ARID1B: variants seen among roughly 807,000 people sequenced by gnomAD.
The protein encoded by ARID1B is AT-rich interactive domain-containing protein 1B.
In ARID1B, 30 loss-of-function variants were observed where a neutral mutation model predicts 212.3. The observed-to-expected ratio is 0.14, with a 90% CI of 0.11 to 0.19. The LOEUF is 0.19. ARID1B is among the 10% of genes least tolerant of loss of function. The probability of loss-of-function intolerance (pLI) is 1.00; values close to 1 mark genes in which losing one functional copy is unlikely to be tolerated. For synonymous variants in ARID1B, 1,402 were observed against 1,301.7 expected (o/e 1.08, Z -1.66); for missense variants, 2,891 against 3,204.0 (o/e 0.90, Z 2.36).
chr6:156,975,159 T>C (rs1777146851), intron 4 of ARID1B, among the ~76,000 whole-genome samples: 1 of 152,238 alleles, frequency 6.6e-6, no homozygotes, highest in African/African-American at 2.4e-5. Flanking sequence ...TCTCCACACC[T>C]CACCAGCACT....
At chr6:156,860,668 G>C (rs970454910) in intron 2 of ARID1B, among the ~76,000 whole-genome samples, 50 of 152,292 alleles carry the variant, frequency 3.3e-4, no homozygotes, top group African/African-American at 1.2e-3. Context: ...TCAGTCTTCA[G>C]TTGGCAAAAT....
intron 3 of ARID1B, among the ~76,000 whole-genome samples, chr6:156,914,929 C>T (rs2128231889): frequency 6.6e-6 from 1 of 152,142 alleles, no homozygotes; most frequent in South Asian, 2.1e-4. Context: ...TGTGGTTTCA[C>T]CTTAAGAAAA....
chr6:156,855,994 T>G (rs1338668789), intron 2 of ARID1B, among the ~76,000 whole-genome samples: 1 of 152,222 alleles, frequency 6.6e-6, no homozygotes, highest in Non-Finnish European at 1.5e-5. Context: ...TTTTCACGTA[T>G]TATAATTATA....
At chr6:156,803,925 G>A (rs1006465070) in intron 1 of ARID1B, among the ~76,000 whole-genome samples, 1 of 152,150 alleles carries the variant, frequency 6.6e-6, no homozygotes, top group Non-Finnish European at 1.5e-5. Context: ...TAGTTGAGGT[G>A]TGTAAAGCAT....
At chr6:157,184,901 G>A in intron 13 of ARID1B, 1 of 181,616 alleles carries the variant, frequency 5.5e-6, no homozygotes. Flanking sequence ...AATGAAGCCT[G>A]GGCTTCGTTT....
At chr6:156,783,044 C>T (rs921723253) in intron 1 of ARID1B, among the ~76,000 whole-genome samples, 1 of 151,558 alleles carries the variant, frequency 6.6e-6, no homozygotes, top group Non-Finnish European at 1.5e-5. Flanking sequence ...TATATTAATA[C>T]TACATCAGTA....
intron 1 of ARID1B, among the ~76,000 whole-genome samples, chr6:156,820,830 G>T (rs552368165): frequency 9.2e-5 from 14 of 152,302 alleles, no homozygotes; most frequent in Non-Finnish European, 1.5e-4. Flanking sequence ...GGCAAATATG[G>T]TATTGTACTT....
intron 4 of ARID1B, among the ~76,000 whole-genome samples, chr6:156,950,447 A>G (rs959601638): frequency 2.0e-5 from 3 of 152,234 alleles, no homozygotes; most frequent in African/African-American, 4.8e-5. Context: ...AAAATATTAT[A>G]TAGGTTTGTG....
chr6:156,930,185 G>A (rs1791583517), intron 3 of ARID1B, among the ~76,000 whole-genome samples: 1 of 152,208 alleles, frequency 6.6e-6, no homozygotes, highest in Non-Finnish European at 1.5e-5. Context: ...GGGGCCAGGT[G>A]GGAGAGGATT....
intron 2 of ARID1B, among the ~76,000 whole-genome samples, chr6:156,900,882 A>G (rs916303869): frequency 2.0e-5 from 3 of 152,246 alleles, no homozygotes; most frequent in Non-Finnish European, 4.4e-5. Flanking sequence ...TTTAACTGGT[A>G]TATATGTGCT....
intron 3 of ARID1B, among the ~76,000 whole-genome samples, chr6:156,917,408 A>G (rs1790444482): frequency 6.6e-6 from 1 of 152,200 alleles, no homozygotes; most frequent in African/African-American, 2.4e-5. Flanking sequence ...GCTGACCTAA[A>G]GGAGCCCCTA....
At chr6:157,151,575 A>G (rs1394913495) in intron 8 of ARID1B, 4 of 152,266 alleles carry the variant, frequency 2.6e-5, no homozygotes, top group Non-Finnish European at 4.4e-5. Context: ...TACAGCAACA[A>G]AAAGTATCTC....
intron 3 of ARID1B, among the ~76,000 whole-genome samples, chr6:156,915,372 G>C (rs1254355081): frequency 1.3e-5 from 2 of 152,078 alleles, no homozygotes; most frequent in East Asian, 3.9e-4. Flanking sequence ...TTCGAGACCA[G>C]CCTGGCCAAC....
At chr6:157,135,298 G>A (rs1254670657) in intron 7 of ARID1B, among the ~76,000 whole-genome samples, 2 of 152,096 alleles carry the variant, frequency 1.3e-5, no homozygotes, top group East Asian at 1.9e-4. Context: ...AATGTTCTAC[G>A]AATAAAGCCT....
At chr6:157,021,789 TA>T (rs1780305048) in intron 4 of ARID1B, among the ~76,000 whole-genome samples, 1 of 151,858 alleles carries the variant, frequency 6.6e-6, no homozygotes, top group Admixed American at 6.6e-5. Context: ...GCGTGTTTTC[TA>T]AAGTTTCTGC....
intron 3 of ARID1B, among the ~76,000 whole-genome samples, chr6:156,905,989 C>A (rs1789344661): frequency 6.6e-6 from 1 of 152,108 alleles, no homozygotes; most frequent in South Asian, 2.1e-4. Flanking sequence ...TGAGAAATAT[C>A]CCTGTAATAA....
Position 157,206,586 on chromosome 6 carries a change from C to A in ARID1B, c.5814C>A (p.Gly1938=). ...GGCGTGTGCAGGAGTTCAATAGTGG[C>A]CTTCTGCACTGGCAGCTCGGCGGGG... The part of the protein sequence containing the change: ...KLGRVQEFNS[G]LLHWQLGGGD... The change falls in exon 20 of 20, where the codon GGC becomes GGA. Residue 1938 remains glycine, a synonymous_variant. Transcript: ENST00000636930. The surrounding 1 kb of genome is among the most constrained non-coding windows in gnomAD (Gnocchi z 6.8). 1 of 1,614,174 alleles carries A rather than the reference C, an allele frequency of 6.2e-7. No homozygotes were observed. Among genetic ancestry groups the A allele is most frequent in the Non-Finnish European group, 8.5e-7 (1 of 1,180,032 alleles).
chr6:156,945,233 CT>C (rs1164805779), intron 4 of ARID1B, among the ~76,000 whole-genome samples: 17 of 32,660 alleles, frequency 5.2e-4, no homozygotes, highest in East Asian at 1.8e-3. Flanking sequence ...CCGCATCCGG[CT>C]TTTTTTTTTT....
At chr6:157,138,664 T>C (rs1789115884) in intron 7 of ARID1B, among the ~76,000 whole-genome samples, 1 of 152,208 alleles carries the variant, frequency 6.6e-6, no homozygotes, top group African/African-American at 2.4e-5. Context: ...TCCTCTTCTC[T>C]GACGTTCCAA....
Sources: allele counts gnomAD v4.1 joint callset (sites outside exome capture counted in the v4.1 genomes callset), GRCh38; gene constraint gnomAD v4.1.1; non-coding constraint Gnocchi (gnomAD v3.1); transcripts MANE v1.5; gene names NCBI Gene and HGNC (gene_info 2026-07-23, HGNC 2026-07-21).